IQCK: variants seen among roughly 807,000 people sequenced by gnomAD.
IQCK encodes IQ motif containing K.
A neutral mutation model predicts 28.1 loss-of-function variants in IQCK; 29 were observed. That is an observed-to-expected ratio of 1.03 (90% CI 0.77 to 1.41). IQCK has a LOEUF of 1.41. Ranked by LOEUF, IQCK falls within the 40% of genes most tolerant of loss-of-function variation. The pLI, the probability that IQCK is intolerant of heterozygous loss-of-function variation, is 0.00. For missense variants in IQCK, 359 were observed against 314.7 expected, an observed-to-expected ratio of 1.14 and a Z score of -1.07; for synonymous variants, 113 against 115.1, an observed-to-expected ratio of 0.98 and a Z score of 0.12.
At chr16:19,736,959 G>A (rs1978032031) in intron 4 of IQCK, among the ~76,000 whole-genome samples, 1 of 146,824 alleles carries the variant, frequency 6.8e-6, no homozygotes, top group Admixed American at 6.8e-5. Flanking sequence ...ACCAGCCTGG[G>A]CAACAAAGTG....
intron 9 of IQCK, among the ~76,000 whole-genome samples, chr16:19,856,262 A>C (rs528938318): frequency 2.6e-5 from 4 of 152,228 alleles, no homozygotes; most frequent in African/African-American, 9.6e-5. Context: ...AAGAATGGCC[A>C]TGAACAGTCC....
intron 7 of IQCK, among the ~76,000 whole-genome samples, chr16:19,813,471 C>T (rs2055934559): frequency 6.6e-6 from 1 of 152,192 alleles, no homozygotes. Context: ...TTATAGACTT[C>T]CAATCAGCAG....
At chr16:19,849,087 G>A (rs2056447662) in intron 9 of IQCK, among the ~76,000 whole-genome samples, 1 of 151,880 alleles carries the variant, frequency 6.6e-6, no homozygotes, top group Non-Finnish European at 1.5e-5. Context: ...TCTAATTGCA[G>A]CAATACTGTT....
chr16:19,836,408 A>G (rs2056298036), intron 9 of IQCK, among the ~76,000 whole-genome samples: 1 of 152,216 alleles, frequency 6.6e-6, no homozygotes, highest in African/African-American at 2.4e-5. Flanking sequence ...CTGCACAGCT[A>G]TGACATGACA....
Position 19,842,303 on chromosome 16 carries a change from ATTTG to A in IQCK, c.803-14179_803-14176del, listed in dbSNP as rs527895130. Among the ~76,000 whole-genome samples the A allele has an allele frequency of 3.2e-3, 490 of 152,328 alleles. 6 individuals carry two copies. The highest frequency in any genetic ancestry group is 9.8e-3 in the African/African-American group (409 of 41,574). On this transcript the variant is annotated intron_variant, in intron 9 of 9. Coordinates refer to the IQCK transcript ENST00000320394. ...TAAGGGAAATACTTTTTGGAGAAAT[ATTTG>A]TTTGAGATGTGTTTGTGCATTGTAA...
intron 9 of IQCK, among the ~76,000 whole-genome samples, chr16:19,854,510 C>T (rs2056529299): frequency 6.6e-6 from 1 of 152,230 alleles, no homozygotes; most frequent in East Asian, 1.9e-4. Flanking sequence ...GAAAAGGGCC[C>T]TGAATTTGCA....
intron 4 of IQCK, among the ~76,000 whole-genome samples, chr16:19,737,609 C>T (rs1319547326): frequency 6.6e-6 from 1 of 152,184 alleles, no homozygotes; most frequent in Non-Finnish European, 1.5e-5. Flanking sequence ...CACCTCTGGG[C>T]CGTGGTTCAC....
chr16:19,823,314 T>C (rs1291022316), intron 7 of IQCK, among the ~76,000 whole-genome samples: 5 of 152,146 alleles, frequency 3.3e-5, no homozygotes, highest in Non-Finnish European at 7.4e-5. Flanking sequence ...CCTGGCTCTC[T>C]GGTCTGTCCT....
At chr16:19,747,733 A>G (rs1379023946) in intron 4 of IQCK, among the ~76,000 whole-genome samples, 2 of 152,160 alleles carry the variant, frequency 1.3e-5, no homozygotes, top group African/African-American at 4.8e-5. Flanking sequence ...GAGTAAGAAC[A>G]TGCGATATTT....
intron 9 of IQCK, among the ~76,000 whole-genome samples, chr16:19,853,906 G>T (rs1450022459): frequency 1.3e-5 from 2 of 152,224 alleles, no homozygotes; most frequent in African/African-American, 4.8e-5. Context: ...GGGATTATAG[G>T]CGTGAGCCAC....
At chr16:19,776,616 G>A (rs2055398891) in intron 6 of IQCK, among the ~76,000 whole-genome samples, 1 of 152,208 alleles carries the variant, frequency 6.6e-6, no homozygotes. Context: ...GGCTGAGGCA[G>A]CAGAATTGCC....
downstream of IQCK, among the ~76,000 whole-genome samples, chr16:19,828,857 AATATATATATATAT>A (rs995744393): frequency 0.03 from 4,268 of 144,152 alleles, 227 homozygotes; most frequent in African/African-American, 0.1. Context: ...TCTCAAAAAA[AATATATATATATAT>A]AAATATATAT....
At chr16:19,740,009 A>G (rs1267229483) in intron 4 of IQCK, among the ~76,000 whole-genome samples, 1 of 152,228 alleles carries the variant, frequency 6.6e-6, no homozygotes, top group Non-Finnish European at 1.5e-5. Flanking sequence ...AGTAAGCAAC[A>G]GACAGCACAC....
At chr16:19,732,743 G>A (rs1048842177) in intron 2 of IQCK, among the ~76,000 whole-genome samples, 7 of 152,168 alleles carry the variant, frequency 4.6e-5, no homozygotes, top group Non-Finnish European at 5.9e-5. Flanking sequence ...AATCACAGGC[G>A]TGAGCCACCA....
At chr16:19,776,442 C>T (rs1309410970) in intron 6 of IQCK, among the ~76,000 whole-genome samples, 7 of 152,104 alleles carry the variant, frequency 4.6e-5, no homozygotes, top group Non-Finnish European at 7.3e-5. Context: ...ACGGTGGCCA[C>T]GCCTAGAATC....
chr16:19,749,045 T>C (rs1024250353), intron 4 of IQCK, among the ~76,000 whole-genome samples: 10 of 152,248 alleles, frequency 6.6e-5, no homozygotes, highest in Non-Finnish European at 2.9e-5. Flanking sequence ...TTGACTCTCT[T>C]GGTTGTTTAG....
chr16:19,736,275 T>A (rs1018142521), intron 4 of IQCK: 14 of 421,674 alleles, frequency 3.3e-5, no homozygotes, highest in Admixed American at 1.9e-4. Flanking sequence ...GTATCTTTTT[T>A]CTTTTTGAGA....
intron 9 of IQCK, among the ~76,000 whole-genome samples, chr16:19,848,023 A>T (rs926383333): frequency 6.6e-6 from 1 of 152,124 alleles, no homozygotes; most frequent in African/African-American, 2.4e-5. Flanking sequence ...GTAAATACTC[A>T]CTTCAGCTGT....
At chr16:19,746,591 G>A (rs1283297060) in intron 4 of IQCK, among the ~76,000 whole-genome samples, 2 of 152,168 alleles carry the variant, frequency 1.3e-5, no homozygotes, top group Non-Finnish European at 2.9e-5. Context: ...TTATAGTCAA[G>A]TTTCTTTTTT....
Sources: gnomAD v4.1 joint callset for allele counts (sites outside exome capture counted in the v4.1 genomes callset) on GRCh38, gnomAD v4.1.1 for gene constraint, MANE v1.5 for transcripts, NCBI Gene and HGNC (gene_info 2026-07-23, HGNC 2026-07-21) for gene names.